The following SMIM35 variants were observed in gnomAD, a reference collection of about 807,000 sequenced individuals.
The protein encoded by SMIM35 is TMPRSS4 antisense RNA 1 (non-protein coding).
chr11:118,061,781 A>G (rs1944398892), intron 1 of SMIM35, among the ~76,000 whole-genome samples: 1 of 152,066 alleles, frequency 6.6e-6, no homozygotes, highest in African/African-American at 2.4e-5. Flanking sequence ...ACTAGATATG[A>G]TGCTAGACAG....
At chr11:118,068,851 T>G (rs1944527106) in intron 1 of SMIM35, among the ~76,000 whole-genome samples, 1 of 152,066 alleles carries the variant, frequency 6.6e-6, no homozygotes, top group South Asian at 2.1e-4. Flanking sequence ...AGCCGTGGTC[T>G]CTCCCCACGC....
chr11:118,074,785 G>A (rs1941150447), intron 1 of SMIM35, among the ~76,000 whole-genome samples: 1 of 149,516 alleles, frequency 6.7e-6, no homozygotes, highest in African/African-American at 2.5e-5. Context: ...TTCTGGTCCA[G>A]CTGGTTTTCC....
intron 1 of SMIM35, chr11:118,077,351 TC>T (rs1374214238): frequency 1.9e-6 from 3 of 1,568,018 alleles, no homozygotes; most frequent in Non-Finnish European, 2.6e-6. Flanking sequence ...AGGGTGGGTC[TC>T]CCCATGTAAG....
At chr11:118,059,242 A>G (rs891440249) in intron 1 of SMIM35, 6 of 152,312 alleles carry the variant, frequency 3.9e-5, no homozygotes, top group African/African-American at 1.4e-4. Context: ...ATATCATCCC[A>G]TGACACTGCT....
intron 1 of SMIM35, among the ~76,000 whole-genome samples, chr11:118,070,796 G>T (rs7116846): frequency 0.02 from 3,087 of 152,280 alleles, 118 homozygotes; most frequent in African/African-American, 0.071. Flanking sequence ...ACCCAGGCAG[G>T]ACTCTGGTGC....
At chr11:118,084,049 A>C (rs1945355509) in intron 1 of SMIM35, among the ~76,000 whole-genome samples, 1 of 152,132 alleles carries the variant, frequency 6.6e-6, no homozygotes. Flanking sequence ...AAAACAAAAC[A>C]AAAAAACAAT....
chr11:118,074,338 T>C (rs1423777183), intron 1 of SMIM35, among the ~76,000 whole-genome samples: 1 of 150,698 alleles, frequency 6.6e-6, no homozygotes, highest in Non-Finnish European at 1.5e-5. Flanking sequence ...AAAAGAGAAG[T>C]AATGGGAGGG....
intron 1 of SMIM35, among the ~76,000 whole-genome samples, chr11:118,069,181 G>A (rs185919345): frequency 9.2e-5 from 14 of 152,252 alleles, no homozygotes; most frequent in East Asian, 3.9e-4. Context: ...GTGAGGTATC[G>A]GGCCACCCCC....
intron 1 of SMIM35, among the ~76,000 whole-genome samples, chr11:118,060,641 G>A (rs768203776): frequency 1.3e-5 from 2 of 152,072 alleles, no homozygotes; most frequent in Non-Finnish European, 2.9e-5. Flanking sequence ...GACCCCCGGG[G>A]GTCTGGGAGA....
chr11:118,030,961 T>A (rs1392801448), intron 1 of SMIM35, among the ~76,000 whole-genome samples: 1 of 151,980 alleles, frequency 6.6e-6, no homozygotes, highest in East Asian at 1.9e-4. Flanking sequence ...CAGACATTAG[T>A]GCTAGAGAGG....
rs556590608 is a variant in SMIM35 at position 118,021,075 on chromosome 11, G to C, written c.8-5266C>G. On this transcript the variant is annotated intron_variant, in intron 1 of 4. Coordinates refer to ENST00000689828, the MANE Select transcript of SMIM35 (RefSeq NM_001394165.1). ...TTTTTTTTTACTATTTATTAAGATG[G>C]ACATGAGTTATAGAATTATGGCTGG... Among the ~76,000 whole-genome samples the C allele has an allele frequency of 4.5e-5, 6 of 132,106 alleles. No individual in the cohort carries two copies. The South Asian group carries it at 1.5e-3, about 33-fold the overall frequency. 86.7% of individuals were successfully genotyped at this position (132,106 alleles called of 152,430 possible).
At chr11:118,078,161 C>T (rs1051650404) in intron 1 of SMIM35, among the ~76,000 whole-genome samples, 2 of 151,852 alleles carry the variant, frequency 1.3e-5, no homozygotes, top group Non-Finnish European at 2.9e-5. Context: ...CTCTGAATAC[C>T]TGGAGCGTCT....
intron 1 of SMIM35, among the ~76,000 whole-genome samples, chr11:118,080,329 C>T (rs1194420505): frequency 6.6e-6 from 1 of 152,176 alleles, no homozygotes; most frequent in Admixed American, 6.5e-5. Context: ...CATGTGTGAA[C>T]AGCAAGAAAG....
Position 118,014,740 on chromosome 11 carries a change from C to A in SMIM35, c.126G>T (p.Gly42=). The change falls in exon 3 of 5, where the codon GGG becomes GGT. Residue 42 remains glycine, a splice_region_variant and synonymous_variant. Transcript: ENST00000689828. ...KWYQRGYCWE[G]PNFVFNLYQI... Reference sequence around the variant, plus strand: ...GATATAAGTTGAAGACAAAATTAGGCCCTAGGAAGACAATCCAAAAAGAGA... The same window carrying A: ...GATATAAGTTGAAGACAAAATTAGGACCTAGGAAGACAATCCAAAAAGAGA... 2.5e-6 allele frequency: 1 copy of A among 398,868 alleles called. No individual in the cohort carries two copies. Among genetic ancestry groups the A allele is most frequent in the Non-Finnish European group, 4.4e-6 (1 of 226,048 alleles). The allele number at this position is 398,868 out of a possible 1,614,324, so 24.7% of individuals were successfully genotyped here.
At chr11:118,047,242 C>T (rs961767526) in intron 1 of SMIM35, among the ~76,000 whole-genome samples, 3 of 152,178 alleles carry the variant, frequency 2.0e-5, no homozygotes, top group African/African-American at 4.8e-5. Flanking sequence ...CATGTTTACA[C>T]GTGGTCTGTG....
intron 1 of SMIM35, among the ~76,000 whole-genome samples, chr11:118,048,562 G>GAAGC (rs1326877909): frequency 1.3e-5 from 1 of 75,216 alleles, no homozygotes; most frequent in Non-Finnish European, 3.0e-5. Context: ...AGGAAGGAAG[G>GAAGC]AAGGAAGGAA....
intron 1 of SMIM35, among the ~76,000 whole-genome samples, chr11:118,066,140 T>G (rs956412962): frequency 1.3e-5 from 2 of 152,136 alleles, no homozygotes; most frequent in Non-Finnish European, 2.9e-5. Context: ...TCCCAGACTC[T>G]TCACCTTTCT....
In SMIM35 at chr11:118,028,263, T is replaced by C. The variant is rs1002592894; in HGVS notation, c.8-12454A>G. Among the ~76,000 whole-genome samples, 6 of 152,322 alleles carry C rather than the reference T, an allele frequency of 3.9e-5. No homozygotes were observed. In the South Asian group the frequency reaches 1.2e-3, roughly 32 times the overall value. ...TCATTATGACAGTTTCCTGCTCCTG[T>C]GGACCAAAGCGTGGTGAGACCCAGG... On this transcript the variant is annotated intron_variant, in intron 1 of 4. Coordinates refer to ENST00000689828, the MANE Select transcript of SMIM35 (RefSeq NM_001394165.1).
chr11:118,064,441 A>G (rs1944437802), intron 1 of SMIM35, among the ~76,000 whole-genome samples: 1 of 152,220 alleles, frequency 6.6e-6, no homozygotes, highest in Middle Eastern at 3.4e-3. Flanking sequence ...CACTAATACT[A>G]AAGGGTTTTG....
Sources: gnomAD v4.1 joint callset for allele counts (sites outside exome capture counted in the v4.1 genomes callset) on GRCh38, gnomAD v4.1.1 for gene constraint, MANE v1.5 for transcripts, NCBI Gene and HGNC (gene_info 2026-07-23, HGNC 2026-07-21) for gene names.